The following ZNF730 variants were observed in gnomAD, a reference collection of about 807,000 sequenced individuals.
ZNF730 encodes the protein putative zinc finger protein 730.
In ZNF730, 12 loss-of-function variants were observed where a neutral mutation model predicts 12.6. The ratio of observed to expected loss-of-function variants is 0.95; its 90% CI spans 0.61 to 1.54. The LOEUF (loss-of-function observed/expected upper bound fraction) is 1.54, where lower values mean the gene tolerates loss of function less well. Ranked by LOEUF, ZNF730 falls within the 40% of genes most tolerant of loss-of-function variation. The pLI is 0.00. For missense variants in ZNF730, 643 were observed against 583.5 expected (o/e 1.10, Z -1.05); for synonymous variants, 194 against 195.8 (o/e 0.99, Z 0.08).
At chr19:23,106,437 T>C (rs1568307381) in intron 1 of ZNF730, among the ~76,000 whole-genome samples, 1 of 152,048 alleles carries the variant, frequency 6.6e-6, no homozygotes, top group Non-Finnish European at 1.5e-5. Context: ...TTAGATACAA[T>C]GTAGAAAATT....
intron 1 of ZNF730, among the ~76,000 whole-genome samples, chr19:23,106,270 A>G (rs1055265062): frequency 6.6e-6 from 1 of 152,148 alleles, no homozygotes; most frequent in Non-Finnish European, 1.5e-5. Flanking sequence ...AAAAAGTAGT[A>G]GTAGTTAGGA....
chr19:23,130,041 T>G (rs1182775165), intron 1 of ZNF730, among the ~76,000 whole-genome samples: 1 of 151,582 alleles, frequency 6.6e-6, no homozygotes, highest in Non-Finnish European at 1.5e-5. Flanking sequence ...AAGGTATGAT[T>G]GGTTTTGCAA....
chr19:23,098,679 A>G (rs931193303), intron 1 of ZNF730, among the ~76,000 whole-genome samples: 21 of 152,040 alleles, frequency 1.4e-4, no homozygotes, highest in African/African-American at 5.1e-4. Flanking sequence ...AGAAATGGTA[A>G]CATACCATTG....
At chr19:23,084,669 G>A (rs1274706936) in intron 1 of ZNF730, among the ~76,000 whole-genome samples, 1 of 152,092 alleles carries the variant, frequency 6.6e-6, no homozygotes, top group East Asian at 1.9e-4. Context: ...GTGTCCATGT[G>A]TTCTCATTAT....
chr19:23,134,012 C>T, intron 1 of ZNF730, 68 bp from the exon 2 acceptor site: 1 of 1,586,536 alleles, frequency 6.3e-7, no homozygotes, highest in Non-Finnish European at 8.6e-7. Flanking sequence ...CTTATTTCAC[C>T]TTGAGTGAAA....
chr19:23,093,525 G>C (rs1970193682), intron 1 of ZNF730, among the ~76,000 whole-genome samples: 1 of 152,194 alleles, frequency 6.6e-6, no homozygotes, highest in South Asian at 2.1e-4. Context: ...TCTGGTTCCT[G>C]CTTCCCCCCC....
At chr19:23,121,185 T>C (rs1206008400) in intron 1 of ZNF730, among the ~76,000 whole-genome samples, 10 of 149,268 alleles carry the variant, frequency 6.7e-5, no homozygotes, top group South Asian at 4.3e-4. Context: ...AGATTTCAGA[T>C]GGAGAGTGTT....
chr19:23,080,566 G>A (rs1399941304), intron 1 of ZNF730, among the ~76,000 whole-genome samples: 1 of 151,568 alleles, frequency 6.6e-6, no homozygotes, highest in South Asian at 2.1e-4. Flanking sequence ...GTAGAGACGG[G>A]GTTTCAGCAT....
At chr19:23,121,488 T>C (rs570404717) in intron 1 of ZNF730, among the ~76,000 whole-genome samples, 33 of 151,928 alleles carry the variant, frequency 2.2e-4, no homozygotes, top group Non-Finnish European at 4.3e-4. Flanking sequence ...ATTACAGGAG[T>C]GTGCCACCAT....
At chr19:23,143,778 T>C (rs1033754126) in intron 3 of ZNF730, 1 of 152,304 alleles carries the variant, frequency 6.6e-6, no homozygotes, top group Middle Eastern at 3.4e-3. Flanking sequence ...GCCTACAAAA[T>C]TTTTGTTGAC....
chr19:23,127,245 A>C (rs995619440), intron 1 of ZNF730: 1 of 648,440 alleles, frequency 1.5e-6, no homozygotes, highest in African/African-American at 1.8e-5. Context: ...AGAAATCTTC[A>C]AGTTTCTCTT....
chr19:23,146,681 A>C lies in ZNF730; in HGVS notation c.*125A>C. The C allele has an allele frequency of 1.1e-5, 16 of 1,492,682 alleles. No homozygotes were observed. The South Asian group carries it at 1.8e-4, about 17-fold the overall frequency. 92.5% of individuals were successfully genotyped at this position (1,492,682 alleles called of 1,614,324 possible). ...GGCAAAGCTTTTAACCAGTCCTCAA[A>C]TCTTACTAAACATAAGGTAATTCAT... On this transcript the variant is annotated 3_prime_UTR_variant, in exon 4 of 4. Coordinates refer to ENST00000597761, the MANE Select transcript of ZNF730 (RefSeq NM_001277403.2).
At chr19:23,105,180 C>T (rs1462738048) in intron 1 of ZNF730, among the ~76,000 whole-genome samples, 1 of 149,900 alleles carries the variant, frequency 6.7e-6, no homozygotes, top group Non-Finnish European at 1.5e-5. Context: ...TGCAGTGGCA[C>T]AATCTCGGCT....
intron 1 of ZNF730, among the ~76,000 whole-genome samples, chr19:23,099,773 TTA>T (rs1034135665): frequency 5.9e-5 from 9 of 152,170 alleles, no homozygotes; most frequent in African/African-American, 2.2e-4. Flanking sequence ...AAAGACCTTC[TTA>T]TAGGTGTGAT....
At chr19:23,121,340 T>C (rs1372707752) in intron 1 of ZNF730, among the ~76,000 whole-genome samples, 1 of 63,542 alleles carries the variant, frequency 1.6e-5, no homozygotes, top group Non-Finnish European at 3.2e-5. Context: ...AAGAACTTTG[T>C]GTGTGTGTGT....
At chr19:23,142,840 T>G (rs1970944069) in intron 3 of ZNF730, among the ~76,000 whole-genome samples, 1 of 152,214 alleles carries the variant, frequency 6.6e-6, no homozygotes, top group Non-Finnish European at 1.5e-5. Context: ...TCTTTCTTTG[T>G]GTCTTTTTGA....
At chr19:23,129,572 T>TTCCCC (rs1555715538) in intron 1 of ZNF730, among the ~76,000 whole-genome samples, 3 of 138,484 alleles carry the variant, frequency 2.2e-5, no homozygotes, top group African/African-American at 5.6e-5. Flanking sequence ...AATGCTTGTA[T>TTCCCC]CCCCCCCCCC....
chr19:23,139,243 T>C (rs1469727016), intron 3 of ZNF730, among the ~76,000 whole-genome samples: 1 of 152,156 alleles, frequency 6.6e-6, no homozygotes, highest in Non-Finnish European at 1.5e-5. Context: ...TATTTTTTTT[T>C]CTTTATTTAG....
intron 1 of ZNF730, among the ~76,000 whole-genome samples, chr19:23,085,349 TC>T (rs1194499119): frequency 8.5e-6 from 1 of 118,042 alleles, no homozygotes; most frequent in Admixed American, 7.4e-5. Context: ...CCTTTACCCA[TC>T]TTTTTTTGCT....
Sources: allele counts gnomAD v4.1 joint callset (sites outside exome capture counted in the v4.1 genomes callset), GRCh38; gene constraint gnomAD v4.1.1; transcripts MANE v1.5; gene names NCBI Gene and HGNC (gene_info 2026-07-23, HGNC 2026-07-21).